Variants in ACSS3 observed in about 807,000 individuals in gnomAD.
ACSS3 encodes acyl-CoA synthetase short-chain family member 3, mitochondrial.
ACSS3 carries 64 observed loss-of-function variants against 84.2 expected under a neutral mutation model. The observed-to-expected ratio is 0.76, with a 90% CI of 0.62 to 0.94. The LOEUF (loss-of-function observed/expected upper bound fraction) is 0.94, where lower values mean the gene tolerates loss of function less well. ACSS3 is among the 40% of genes least tolerant of loss of function. ACSS3 has a pLI of 0.00. For synonymous variants in ACSS3, 317 were observed against 310.1 expected (o/e 1.02, Z -0.23); for missense variants, 815 against 867.6 (o/e 0.94, Z 0.76).
At chr12:81,131,644 C>A (rs552385279) in intron 2 of ACSS3, among the ~76,000 whole-genome samples, 3 of 152,262 alleles carry the variant, frequency 2.0e-5, no homozygotes, top group African/African-American at 7.2e-5. Context: ...ATTGCCCTGG[C>A]CAGAACTTCC....
chr12:81,098,458 T>G (rs1422818149), intron 1 of ACSS3, among the ~76,000 whole-genome samples: 1 of 152,182 alleles, frequency 6.6e-6, no homozygotes, highest in Non-Finnish European at 1.5e-5. Flanking sequence ...TTTATATCAA[T>G]TAGCCTGTGG....
At chr12:81,098,363 T>G (rs1379601211) in intron 1 of ACSS3, among the ~76,000 whole-genome samples, 1 of 152,182 alleles carries the variant, frequency 6.6e-6, no homozygotes, top group Non-Finnish European at 1.5e-5. Flanking sequence ...TTTCAGTGTT[T>G]ACTATTAGAA....
chr12:81,233,339 T>G lies in ACSS3; in HGVS notation c.1597-10T>G, dbSNP rs2033526749. On this transcript the variant is annotated splice_polypyrimidine_tract_variant and intron_variant, in intron 12 of 15. Coordinates refer to ENST00000548058, the MANE Select transcript of ACSS3 (RefSeq NM_024560.4). Reference sequence around the variant, plus strand: ...CATGCTAATCAAATGTTATTTTTTCTTGTTTTCAGGGATATTATGATACCA... The same window carrying G: ...CATGCTAATCAAATGTTATTTTTTCGTGTTTTCAGGGATATTATGATACCA... The G allele has an allele frequency of 6.2e-7, 1 of 1,608,904 alleles. No individual in the cohort carries two copies. Among genetic ancestry groups the G allele is most frequent in the Admixed American group, 1.7e-5 (1 of 59,636 alleles).
At chr12:81,216,803 G>A (rs1371713290) in intron 9 of ACSS3, 98 bp from the exon 10 acceptor site, 4 of 924,284 alleles carry the variant, frequency 4.3e-6, no homozygotes, top group Non-Finnish European at 6.9e-6. Flanking sequence ...CAGCTGCATT[G>A]TATGACAAAC....
intron 2 of ACSS3, among the ~76,000 whole-genome samples, chr12:81,132,576 C>A (rs1425729003): frequency 1.3e-5 from 2 of 152,034 alleles, no homozygotes; most frequent in Non-Finnish European, 2.9e-5. Flanking sequence ...TTTCAAAAAA[C>A]CAGCTCCTAG....
At chr12:81,250,286 T>C (rs910235903) in intron 13 of ACSS3, among the ~76,000 whole-genome samples, 1 of 152,112 alleles carries the variant, frequency 6.6e-6, no homozygotes, top group East Asian at 1.9e-4. Context: ...CATAAAAAGC[T>C]ACCACCCTTC....
chr12:81,246,145 G>A (rs2033978799), intron 13 of ACSS3, among the ~76,000 whole-genome samples: 1 of 152,150 alleles, frequency 6.6e-6, no homozygotes, highest in Non-Finnish European at 1.5e-5. Context: ...GGTTCTCTTG[G>A]TTTAGGGTAG....
In ACSS3 at chr12:81,181,213, C is replaced by T. The variant is rs150562598; in HGVS notation, c.1250+6274C>T. Among the ~76,000 whole-genome samples, 786 of 152,106 alleles carry T rather than the reference C, an allele frequency of 5.2e-3. 1 individual carries two copies. Among genetic ancestry groups the T allele is most frequent in the Admixed American group, 8.1e-3 (124 of 15,250 alleles). ...CTAAAGCCCTTATCATAATAGCCTA[C>T]ACAATCAATATCACTGCCACAAAAT... On this transcript the variant is annotated intron_variant, in intron 8 of 15. Transcript: ENST00000548058.
chr12:81,116,673 G>A (rs4240723), intron 2 of ACSS3, among the ~76,000 whole-genome samples: 80,478 of 151,778 alleles, frequency 0.53, 21,715 homozygotes, highest in East Asian at 0.68. Context: ...TTGAGATAAG[G>A]GTAATATTTT....
At chr12:81,205,852 G>C (rs80340714) in intron 9 of ACSS3, among the ~76,000 whole-genome samples, 18 of 152,184 alleles carry the variant, frequency 1.2e-4, no homozygotes, top group Middle Eastern at 3.4e-3. Context: ...TTTTTAAAAC[G>C]TTTCACAACT....
rs144795035 is a variant in ACSS3, at chr12:81,089,364, C to A, written c.311+10933C>A. 1.3e-3 allele frequency among the ~76,000 whole-genome samples: 190 copies of A among 151,768 alleles called. 2 individuals are homozygous for A. The highest frequency in any genetic ancestry group is 4.5e-3 in the African/African-American group (186 of 41,422). ...AGCAGAAGATATGCAGGTGGAGAAA[C>A]CTTGATTAATGGCATATGTTAAGTG... is the stretch of plus-strand genomic sequence containing the variant. On this transcript the variant is annotated intron_variant, in intron 1 of 15. Coordinates refer to ENST00000548058, the MANE Select transcript of ACSS3 (RefSeq NM_024560.4).
At chr12:81,209,584 G>A (rs1198567267) in intron 9 of ACSS3, among the ~76,000 whole-genome samples, 8 of 152,074 alleles carry the variant, frequency 5.3e-5, no homozygotes, top group Admixed American at 1.3e-4. Flanking sequence ...CAGACCGCAA[G>A]AAGGGGTTCT....
rs545967391 is a variant in ACSS3 at position 81,227,780 on chromosome 12, C to A, written c.1515-3277C>A. 9.2e-5 allele frequency among the ~76,000 whole-genome samples: 14 copies of A among 151,904 alleles called. No individual in the cohort carries two copies. The South Asian group carries it at 2.9e-3, about 31-fold the overall frequency. On this transcript the variant is annotated intron_variant, in intron 11 of 15. Coordinates refer to ENST00000548058, the MANE Select transcript of ACSS3 (RefSeq NM_024560.4). ...TACCACATATTGCATATATTGAATT[C>A]TTTGTTAGATGCCTCTACAGGACGA...
chr12:81,152,096 G>C lies in ACSS3; in HGVS notation c.1098G>C (p.Glu366Asp). The C allele has an allele frequency of 6.2e-7, 1 of 1,606,072 alleles. No homozygotes were observed. Among genetic ancestry groups the C allele is most frequent in the Non-Finnish European group, 8.5e-7 (1 of 1,174,884 alleles). Reference sequence around the variant, plus strand: ...ATGGGAACACAACAGTTTTATATGAGGTAATAAAGTAAAGTTAATACCACA... The same window carrying C: ...ATGGGAACACAACAGTTTTATATGACGTAATAAAGTAAAGTTAATACCACA... ...LLHGNTTVLY[E>D]GKPVGTPDAG... is the part of the protein sequence containing the mutation. Residue 366 changes from glutamate (E) to aspartate (D), a missense_variant and splice_region_variant, in exon 7 of 16, where the codon GAG (glutamate) becomes GAC (aspartate). Physicochemically the swap from Glu to Asp is conservative, Grantham distance 45. Transcript: ENST00000548058.
At position 81,245,313 on chromosome 12, in the gene ACSS3, T is replaced by G. The variant is rs554261811; in HGVS notation, c.1720-7994T>G. 1.5e-3 allele frequency among the ~76,000 whole-genome samples: 232 copies of G among 152,238 alleles called. 1 individual carries two copies. Among genetic ancestry groups the G allele is most frequent in the African/African-American group, 5.2e-3 (216 of 41,558 alleles). ...CGTCTCTACTAAAAAATACAAAAAA[T>G]TAGCCAGGCGTGGTGGTGGGCGACT... On this transcript the variant is annotated intron_variant, in intron 13 of 15. Transcript: ENST00000548058.
intron 1 of ACSS3, among the ~76,000 whole-genome samples, chr12:81,080,525 T>C (rs1377850306): frequency 6.6e-6 from 1 of 152,042 alleles, no homozygotes. Context: ...AAACTTTGAC[T>C]CTATTTATTT....
At chr12:81,206,035 A>G (rs2032332651) in intron 9 of ACSS3, among the ~76,000 whole-genome samples, 1 of 152,122 alleles carries the variant, frequency 6.6e-6, no homozygotes. Flanking sequence ...ATCTTGATTT[A>G]AAAACCTGTT....
intron 2 of ACSS3, among the ~76,000 whole-genome samples, chr12:81,116,013 C>T (rs747764797): frequency 6.6e-6 from 1 of 151,998 alleles, no homozygotes; most frequent in East Asian, 1.9e-4. Flanking sequence ...TTAAAATGTT[C>T]TAGTCACATT....
chr12:81,090,532 T>C (rs2121325731), intron 1 of ACSS3, among the ~76,000 whole-genome samples: 1 of 152,092 alleles, frequency 6.6e-6, no homozygotes, highest in South Asian at 2.1e-4. Context: ...TTCTAATCCA[T>C]CTCCTAAATC....
Sources: gnomAD v4.1 joint callset for allele counts (sites outside exome capture counted in the v4.1 genomes callset) on GRCh38, gnomAD v4.1.1 for gene constraint, MANE v1.5 for transcripts, NCBI Gene and HGNC (gene_info 2026-07-23, HGNC 2026-07-21) for gene names.